Variants in ZFPM2 observed in about 807,000 individuals in gnomAD.
ZFPM2 encodes the protein zinc finger protein, FOG family member 2.
Under a neutral mutation model 98.6 loss-of-function variants are expected in ZFPM2, and 20 were observed. That is an observed-to-expected ratio of 0.20 (90% confidence interval 0.14 to 0.29). ZFPM2 has a LOEUF of 0.29. ZFPM2 is among the 10% of genes least tolerant of loss of function. The pLI is 1.00. For missense variants in ZFPM2, 1,310 were observed against 1,388.6 expected, an observed-to-expected ratio of 0.94 and a Z score of 0.90; for synonymous variants, 518 against 502.7, an observed-to-expected ratio of 1.03 and a Z score of -0.41.
chr8:105,365,851 C>A (rs769785993), intron 1 of ZFPM2, among the ~76,000 whole-genome samples: 3 of 152,132 alleles, frequency 2.0e-5, no homozygotes, highest in Non-Finnish European at 4.4e-5. Context: ...CAAACGTAGG[C>A]ACTTTTCTAG....
chr8:105,796,350 T>C (rs1254391388), intron 6 of ZFPM2, among the ~76,000 whole-genome samples: 2 of 151,522 alleles, frequency 1.3e-5, no homozygotes, highest in Non-Finnish European at 2.9e-5. Context: ...TGTCAAATAA[T>C]TCAGCATAGA....
chr8:105,578,831 A>C (rs1405806246), intron 4 of ZFPM2, among the ~76,000 whole-genome samples: 1 of 152,156 alleles, frequency 6.6e-6, no homozygotes, highest in African/African-American at 2.4e-5. Flanking sequence ...AATGCAATTG[A>C]ATATACTAGC....
chr8:105,471,836 C>G (rs1192158935), intron 3 of ZFPM2, among the ~76,000 whole-genome samples: 2 of 152,114 alleles, frequency 1.3e-5, no homozygotes, highest in African/African-American at 2.4e-5. Context: ...ACTATCAGAA[C>G]TCTTATCAGA....
intron 1 of ZFPM2, among the ~76,000 whole-genome samples, chr8:105,394,199 C>T (rs1012801815): frequency 2.0e-5 from 3 of 152,036 alleles, no homozygotes; most frequent in African/African-American, 7.2e-5. Flanking sequence ...AGCCATAGAC[C>T]TAAATATTTC....
rs559502285 is a variant in ZFPM2, at chr8:105,747,877, G to A, written c.533-40841G>A. The stretch of plus-strand genomic sequence containing the variant: ...GTGGAACCAATTAATGCATTCACAC[G>A]TGTGGTATGGCTTAATATTTCGTGG... On this transcript the variant is annotated intron_variant, in intron 5 of 7. Coordinates refer to ENST00000407775, the MANE Select transcript of ZFPM2 (RefSeq NM_012082.4). 1.3e-3 allele frequency among the ~76,000 whole-genome samples: 202 copies of A among 152,192 alleles called. 1 individual carries two copies. Among genetic ancestry groups the A allele is most frequent in the African/African-American group, 4.8e-3 (199 of 41,568 alleles).
chr8:105,330,581 CATATATATATATACATAT>C (rs1238289472), intron 1 of ZFPM2, among the ~76,000 whole-genome samples: 12 of 86,338 alleles, frequency 1.4e-4, no homozygotes, highest in East Asian at 9.1e-4. Flanking sequence ...TATATATATA[CATATATATATATACATAT>C]ATATATATAT....
chr8:105,658,586 C>CAAAAAAAAAA (rs773181953), intron 5 of ZFPM2, among the ~76,000 whole-genome samples: 2 of 7,906 alleles, frequency 2.5e-4, no homozygotes, highest in Non-Finnish European at 4.1e-4. Flanking sequence ...GACTCCGTCT[C>CAAAAAAAAAA]AAAAAAAAAA....
chr8:105,419,261 A>C lies in ZFPM2; in HGVS notation c.158A>C (p.Glu53Ala). 1 of 1,613,668 alleles carries C rather than the reference A, an allele frequency of 6.2e-7. No individual in the cohort carries two copies. The highest frequency in any genetic ancestry group is 8.5e-7 in the Non-Finnish European group (1 of 1,179,684). ...AGCTTTTCCACAGAATTTGGGCCTG[A>C]AAATCTGAGCTGCGAAGAAGTGGAA... ...EESFSTEFGP[E>A]NLSCEEVEYF... The change falls in exon 2 of 8, where the codon GAA becomes GCA. Residue 53 changes from glutamate (E) to alanine (A), a missense_variant. Glu to Ala is a moderately radical substitution (Grantham distance 107). Transcript: ENST00000407775.
At chr8:105,484,516 G>T (rs1227719005) in intron 3 of ZFPM2, among the ~76,000 whole-genome samples, 1 of 151,432 alleles carries the variant, frequency 6.6e-6, no homozygotes, top group Non-Finnish European at 1.5e-5. Flanking sequence ...CATATTTTTG[G>T]CATCTTTTTA....
At chr8:105,718,790 C>T (rs1811587248) in intron 5 of ZFPM2, among the ~76,000 whole-genome samples, 1 of 151,872 alleles carries the variant, frequency 6.6e-6, no homozygotes, top group Admixed American at 6.6e-5. Flanking sequence ...TTCCTCCCAA[C>T]CCCCAATTGC....
At position 105,559,326 on chromosome 8, in the gene ZFPM2, C is replaced by T. The variant is rs539101829; in HGVS notation, c.302-2037C>T. Among the ~76,000 whole-genome samples the T allele has an allele frequency of 4.7e-4, 72 of 152,212 alleles. No individual in the cohort carries two copies. In the South Asian group the frequency reaches 5.4e-3, roughly 11 times the overall value. ...ATTCTATTTATATCTTTCAGACATT[C>T]GGACTTATTGAATCTTTCTGGGCTC... is the stretch of plus-strand genomic sequence containing the variant. On this transcript the variant is annotated intron_variant, in intron 3 of 7. Coordinates refer to ENST00000407775, the MANE Select transcript of ZFPM2 (RefSeq NM_012082.4).
chr8:105,654,327 CCTTAT>C (rs1465806239), intron 5 of ZFPM2, among the ~76,000 whole-genome samples: 1 of 152,112 alleles, frequency 6.6e-6, no homozygotes, highest in East Asian at 1.9e-4. Flanking sequence ...AAGGCTTTCG[CCTTAT>C]CTTGAGAGAC....
chr8:105,532,581 C>G (rs1563702916), intron 3 of ZFPM2, among the ~76,000 whole-genome samples: 1 of 152,150 alleles, frequency 6.6e-6, no homozygotes, highest in Non-Finnish European at 1.5e-5. Flanking sequence ...CAAAGTGATA[C>G]TATTTTCCCC....
rs549866440 is a variant in ZFPM2 at position 105,454,808 on chromosome 8, T to G, written c.301+10427T>G. Among the ~76,000 whole-genome samples, 226 of 152,348 alleles carry G rather than the reference T, an allele frequency of 1.5e-3. 2 individuals carry two copies. The highest frequency in any genetic ancestry group is 5.1e-3 in the African/African-American group (211 of 41,588). The stretch of plus-strand genomic sequence containing the variant: ...ATCGTTCTCATTATTTAAAACTTTT[T>G]GGAATAGTGAATTGGTGCCTTCACC... On this transcript the variant is annotated intron_variant, in intron 3 of 7. Transcript: ENST00000407775.
intron 1 of ZFPM2, among the ~76,000 whole-genome samples, chr8:105,362,298 A>C (rs933645185): frequency 1.3e-5 from 2 of 151,990 alleles, no homozygotes; most frequent in African/African-American, 4.8e-5. Flanking sequence ...TAAGTTATGT[A>C]ATATTGTGAG....
intron 2 of ZFPM2, among the ~76,000 whole-genome samples, chr8:105,424,429 T>G (rs1281647126): frequency 1.3e-5 from 2 of 152,072 alleles, no homozygotes; most frequent in East Asian, 3.9e-4. Context: ...ACCTCTTCAG[T>G]CTGGAAATAC....
intron 1 of ZFPM2, among the ~76,000 whole-genome samples, chr8:105,359,413 T>C (rs2129751940): frequency 6.6e-6 from 1 of 150,754 alleles, no homozygotes; most frequent in Non-Finnish European, 1.5e-5. Context: ...TCTCGCTCTG[T>C]CACCCTGGCT....
intron 3 of ZFPM2, among the ~76,000 whole-genome samples, chr8:105,446,499 G>A (rs745811865): frequency 2.6e-5 from 4 of 152,168 alleles, no homozygotes; most frequent in South Asian, 2.1e-4. Context: ...GAAGCTTTTC[G>A]AGAAATAAAG....
At chr8:105,580,361 T>G (rs955518052) in intron 4 of ZFPM2, among the ~76,000 whole-genome samples, 1 of 152,188 alleles carries the variant, frequency 6.6e-6, no homozygotes, top group African/African-American at 2.4e-5. Flanking sequence ...ATTTCAAAAT[T>G]AAAGTTTTCT....
Sources: gnomAD v4.1 joint callset for allele counts (sites outside exome capture counted in the v4.1 genomes callset) on GRCh38, gnomAD v4.1.1 for gene constraint, MANE v1.5 for transcripts, NCBI Gene and HGNC (gene_info 2026-07-23, HGNC 2026-07-21) for gene names.